Variants in ADARB2 observed in about 807,000 individuals in gnomAD.
ADARB2 encodes adenosine deaminase RNA specific B2 (inactive).
ADARB2 carries 25 observed loss-of-function variants against 62.2 expected under a neutral mutation model. The observed-to-expected ratio is 0.40, with a 90% CI of 0.29 to 0.56. The LOEUF (loss-of-function observed/expected upper bound fraction) is 0.56, where lower values mean the gene tolerates loss of function less well. Among genes scored for constraint, ADARB2 ranks in the 20% least tolerant of loss-of-function variants. ADARB2 has a pLI of 0.43. For missense variants in ADARB2, 1,071 were observed against 1,077.4 expected, an observed-to-expected ratio of 0.99 and a Z score of 0.08; for synonymous variants, 572 against 500.8, an observed-to-expected ratio of 1.14 and a Z score of -1.90.
chr10:1,707,839 C>T (rs1431495759), intron 1 of ADARB2, among the ~76,000 whole-genome samples: 1 of 152,194 alleles, frequency 6.6e-6, no homozygotes, highest in East Asian at 1.9e-4. Context: ...TCTGATTGGT[C>T]CTCTGCTTGT....
intron 1 of ADARB2, among the ~76,000 whole-genome samples, chr10:1,702,457 C>G (rs938462029): frequency 1.3e-5 from 2 of 152,328 alleles, no homozygotes; most frequent in East Asian, 1.9e-4. Flanking sequence ...CTTGAGGTCT[C>G]TCTGTCCCAG....
At chr10:1,595,535 C>G (rs1588316460) in intron 1 of ADARB2, among the ~76,000 whole-genome samples, 2 of 152,216 alleles carry the variant, frequency 1.3e-5, no homozygotes, top group South Asian at 4.1e-4. Context: ...TGGCTGCCAT[C>G]AGGGTCAGAG....
At chr10:1,212,437 C>T (rs34842366) in intron 7 of ADARB2, among the ~76,000 whole-genome samples, 28,016 of 152,216 alleles carry the variant, frequency 0.18, 3,274 homozygotes, top group Non-Finnish European at 0.26. Flanking sequence ...CAAGTACCTT[C>T]TTGCCAAAGG....
At chr10:1,555,750 C>A (rs11250621) in intron 1 of ADARB2, among the ~76,000 whole-genome samples, 35,357 of 152,098 alleles carry the variant, frequency 0.23, 4,319 homozygotes, top group African/African-American at 0.26. Flanking sequence ...GCCTGGCCAA[C>A]ATGGTGAAAC....
intron 1 of ADARB2, among the ~76,000 whole-genome samples, chr10:1,423,198 C>G (rs1459711764): frequency 6.6e-6 from 1 of 152,244 alleles, no homozygotes; most frequent in African/African-American, 2.4e-5. Context: ...CCTCGCTAAG[C>G]TGGAGTCCTG....
chr10:1,571,803 A>G (rs560983143), intron 1 of ADARB2, among the ~76,000 whole-genome samples: 19 of 123,356 alleles, frequency 1.5e-4, no homozygotes, highest in African/African-American at 6.6e-4. Context: ...GTGAGTGGAC[A>G]GGTGAGTGGA....
intron 1 of ADARB2, among the ~76,000 whole-genome samples, chr10:1,568,442 C>T (rs1443197300): frequency 6.6e-6 from 1 of 152,166 alleles, no homozygotes; most frequent in African/African-American, 2.4e-5. Flanking sequence ...AAACTTCTCA[C>T]CAGTCAACCT....
chr10:1,363,197 G>A lies in ADARB2; in HGVS notation c.908C>T (p.Ala303Val). The A allele has an allele frequency of 1.1e-5, 16 of 1,494,520 alleles. No homozygotes were observed. Among genetic ancestry groups the A allele is most frequent in the Non-Finnish European group, 1.1e-5 (12 of 1,126,132 alleles). The allele number at this position is 1,494,520 out of a possible 1,614,324, so 92.6% of individuals were successfully genotyped here. ...VCLAEPAERR[A>V]RSFVMAVSVD... ...GCTCACGGCCATCACGAAGCTCCGC[G>A]CGCGCCGCTCGGCCGGTTCTGCCAG... is the stretch of plus-strand genomic sequence containing the variant. Residue 303 changes from alanine to valine, a missense_variant, in exon 3 of 10, where the codon GCG (alanine) becomes GTG (valine). Physicochemically the swap from Ala to Val is moderately conservative, Grantham distance 64. Coordinates refer to ENST00000381312, the MANE Select transcript of ADARB2 (RefSeq NM_018702.4).
intron 1 of ADARB2, among the ~76,000 whole-genome samples, chr10:1,581,614 A>T (rs571946200): frequency 1.3e-5 from 2 of 152,182 alleles, no homozygotes; most frequent in South Asian, 4.1e-4. Context: ...CACCTCATGG[A>T]TAATTTTTGA....
intron 1 of ADARB2, among the ~76,000 whole-genome samples, chr10:1,491,452 C>A (rs1831619957): frequency 1.3e-5 from 2 of 152,142 alleles, no homozygotes; most frequent in Non-Finnish European, 2.9e-5. Flanking sequence ...CATTTGTGTG[C>A]CTACAGAATG....
intron 1 of ADARB2, among the ~76,000 whole-genome samples, chr10:1,379,885 C>T (rs1028611688): frequency 4.6e-5 from 7 of 152,194 alleles, no homozygotes; most frequent in Non-Finnish European, 8.8e-5. Context: ...GGAGATGCCG[C>T]TCTTCACCAA....
At chr10:1,706,111 C>T (rs1320566936) in intron 1 of ADARB2, among the ~76,000 whole-genome samples, 2 of 152,166 alleles carry the variant, frequency 1.3e-5, no homozygotes, top group Non-Finnish European at 2.9e-5. Context: ...TGTTGACTTG[C>T]TTTTATCAGA....
At chr10:1,644,072 G>A (rs1285879716) in intron 1 of ADARB2, among the ~76,000 whole-genome samples, 1 of 152,242 alleles carries the variant, frequency 6.6e-6, no homozygotes, top group Non-Finnish European at 1.5e-5. Flanking sequence ...AGGAGTGGAA[G>A]CAGCTAATGC....
chr10:1,371,992 TA>T (rs141386918), intron 2 of ADARB2, among the ~76,000 whole-genome samples: 163 of 152,078 alleles, frequency 1.1e-3, no homozygotes, highest in African/African-American at 3.9e-3. Context: ...AATCATTACA[TA>T]AAAAAGACGC....
At position 1,523,710 on chromosome 10, in the gene ADARB2, T is replaced by C. The variant is rs1039692153; in HGVS notation, c.101-144550A>G. ...GAGTATCACTGAAATAAAATCAAAA[T>C]GTTTTACCTTGAGGCTTAATTCTCT... On this transcript the variant is annotated intron_variant, in intron 1 of 9. Transcript: ENST00000381312. Among the ~76,000 whole-genome samples the C allele has an allele frequency of 1.4e-4, 22 of 152,196 alleles. 1 individual carries two copies. The highest frequency in any genetic ancestry group is 7.7e-4 in the East Asian group (4 of 5,200).
chr10:1,613,468 A>G (rs1448044982), intron 1 of ADARB2, among the ~76,000 whole-genome samples: 1 of 152,236 alleles, frequency 6.6e-6, no homozygotes, highest in Admixed American at 6.5e-5. Flanking sequence ...AGCGAATTTG[A>G]AAATCCACCC....
chr10:1,277,778 A>C (rs1303228659), intron 3 of ADARB2, among the ~76,000 whole-genome samples: 2 of 152,198 alleles, frequency 1.3e-5, no homozygotes, highest in Non-Finnish European at 2.9e-5. Context: ...TCCTGATACC[A>C]AAGCCTGGCA....
intron 1 of ADARB2, among the ~76,000 whole-genome samples, chr10:1,720,459 C>A (rs910701159): frequency 6.6e-6 from 1 of 152,126 alleles, no homozygotes; most frequent in East Asian, 1.9e-4. Context: ...CAAACCTCAG[C>A]GACACCCAAT....
rs1554767637 is a variant in ADARB2 at position 1,510,110 on chromosome 10, C to CTCTCTCTTTCTTTCTTTCTTTCTT, written c.101-130951_101-130950insAAGAAAGAAAGAAAGAAAGAGAGA. 1.9e-3 allele frequency among the ~76,000 whole-genome samples: 199 copies of CTCTCTCTTTCTTTCTTTCTTTCTT among 106,248 alleles called. 1 individual carries two copies. Among genetic ancestry groups the CTCTCTCTTTCTTTCTTTCTTTCTT allele is most frequent in the Non-Finnish European group, 2.8e-3 (148 of 52,730 alleles). 69.7% of individuals were successfully genotyped at this position (106,248 alleles called of 152,430 possible). On this transcript the variant is annotated intron_variant, in intron 1 of 9. Transcript: ENST00000381312. ...CTCTCTCTCTCTTTTCTTTCTTTCT[C>CTCTCTCTTTCTTTCTTTCTTTCTT]TCTTTCTTTCTTTCTTTCTTTCTTT... is the stretch of plus-strand genomic sequence containing the variant.
Sources: gnomAD v4.1 joint callset for allele counts (sites outside exome capture counted in the v4.1 genomes callset) on GRCh38, gnomAD v4.1.1 for gene constraint, MANE v1.5 for transcripts, NCBI Gene and HGNC (gene_info 2026-07-23, HGNC 2026-07-21) for gene names.